CLDN16: variants seen among roughly 807,000 people sequenced by gnomAD.
CLDN16 encodes claudin-16.
In CLDN16, 13 loss-of-function variants were observed where a neutral mutation model predicts 24.6. The observed-to-expected ratio is 0.53, with a 90% CI of 0.34 to 0.84. CLDN16 has a LOEUF of 0.84. Among genes scored for constraint, CLDN16 ranks in the 40% least tolerant of loss-of-function variants. The pLI is 0.01. For missense variants in CLDN16, 298 were observed against 292.7 expected, an observed-to-expected ratio of 1.02 and a Z score of -0.13; for synonymous variants, 116 against 106.7, an observed-to-expected ratio of 1.09 and a Z score of -0.54.
At chr3:190,388,548 C>A in intron 1 of CLDN16, 105 bp downstream of exon 1, 1 of 921,232 alleles carries the variant, frequency 1.1e-6, no homozygotes, top group Admixed American at 1.7e-5. Flanking sequence ...GCTAATGATA[C>A]CAAAAATAGG....
chr3:190,409,186 A>ATGCATGTATATATG (rs1719197156), intron 4 of CLDN16, among the ~76,000 whole-genome samples: 3 of 99,582 alleles, frequency 3.0e-5, no homozygotes, highest in East Asian at 4.6e-4. Flanking sequence ...ATGTATATAT[A>ATGCATGTATATATG]CACACACGTA....
chr3:190,351,038 C>G (rs1717661612), intron 1 of CLDN16, among the ~76,000 whole-genome samples: 1 of 152,032 alleles, frequency 6.6e-6, no homozygotes, highest in African/African-American at 2.4e-5. Flanking sequence ...TCATGAATGG[C>G]TTGGTGCTCT....
chr3:190,298,518 T>G, the CLDN16 span, among the ~76,000 whole-genome samples: 1 of 149,362 alleles, frequency 6.7e-6, no homozygotes, highest in East Asian at 2.1e-4. Context: ...TGCAATGGCG[T>G]GATCTCTGCT....
chr3:190,396,183 G>A (rs1409812859), intron 1 of CLDN16, among the ~76,000 whole-genome samples: 1 of 152,156 alleles, frequency 6.6e-6, no homozygotes, highest in Non-Finnish European at 1.5e-5. Context: ...TTATGTCACT[G>A]TAACTCAAGT....
intron 1 of CLDN16, among the ~76,000 whole-genome samples, chr3:190,323,145 A>G (rs1213181095): frequency 6.6e-6 from 1 of 152,042 alleles, no homozygotes; most frequent in Non-Finnish European, 1.5e-5. Flanking sequence ...TTTTTGATGT[A>G]TTATTGTCCT....
chr3:190,408,740 A>G (rs950409354), intron 4 of CLDN16, among the ~76,000 whole-genome samples: 1 of 150,460 alleles, frequency 6.6e-6, no homozygotes, highest in Non-Finnish European at 1.5e-5. Context: ...CAATATTCAA[A>G]TGTATAATAG....
intron 1 of CLDN16, among the ~76,000 whole-genome samples, chr3:190,340,203 C>T (rs1717396434): frequency 6.6e-6 from 1 of 152,168 alleles, no homozygotes; most frequent in Non-Finnish European, 1.5e-5. Flanking sequence ...CCACAGCTAA[C>T]ATAAACAATG....
intron 3 of CLDN16, among the ~76,000 whole-genome samples, chr3:190,380,144 T>TCCTTCCTTCCTTCCTTCCTTC (rs1560091466): frequency 1.6e-4 from 2 of 12,278 alleles, no homozygotes. Context: ...TCCTTCCTTT[T>TCCTTCCTTCCTTCCTTCCTTC]CTTCCTTCCC....
intron 1 of CLDN16, among the ~76,000 whole-genome samples, chr3:190,388,918 C>T (rs1225861499): frequency 2.0e-5 from 3 of 152,024 alleles, no homozygotes; most frequent in African/African-American, 7.2e-5. Context: ...CAAAACCTAC[C>T]CAATTAACAT....
rs1330460824 is a variant in CLDN16 at position 190,380,257 on chromosome 3, T to TTCCTTCCTTTCTTC, written n.306+5654_306+5655insTCCTTCCTTTCTTC. ...CCTTCCCTCCCTTCCTTCCTTCCTT[T>TTCCTTCCTTTCTTC]CTTCCTTCCTTCCTTCTGTTTTTTG... On this transcript the variant is annotated intron_variant and non_coding_transcript_variant, in intron 3 of 4. Transcript: ENST00000468220. 2.0e-3 allele frequency among the ~76,000 whole-genome samples: 29 copies of TTCCTTCCTTTCTTC among 14,566 alleles called. 4 individuals are homozygous for TTCCTTCCTTTCTTC. The highest frequency in any genetic ancestry group is 5.9e-4 in the Non-Finnish European group (5 of 8,508). The allele number at this position is 14,566 out of a possible 152,430, so 9.6% of individuals were successfully genotyped here. A position where few individuals can be genotyped will look rare whatever the true frequency, so the allele number is the denominator to read the frequency against.
At position 190,366,891 on chromosome 3, in the gene CLDN16, T is replaced by C. The variant is rs114590725; in HGVS notation, n.122-4002T>C. ...GCAGAGGGATTTCAGAAACATACCA[T>C]AGCTTCTGCTTTATTTGATATAATA... On this transcript the variant is annotated intron_variant and non_coding_transcript_variant, in intron 1 of 4. Coordinates refer to the CLDN16 transcript ENST00000468220. 8.0e-3 allele frequency among the ~76,000 whole-genome samples: 1,218 copies of C among 152,030 alleles called. 24 individuals carry two copies. Among genetic ancestry groups the C allele is most frequent in the African/African-American group, 0.028 (1,173 of 41,528 alleles).
At chr3:190,384,547 G>C (rs900019908), upstream of CLDN16, among the ~76,000 whole-genome samples, 22 of 152,202 alleles carry the variant, frequency 1.4e-4, no homozygotes, top group Admixed American at 1.3e-3. Context: ...AGCACTGGGT[G>C]AGTAGGAACA....
At chr3:190,405,416 C>G (rs972634333) in intron 3 of CLDN16, among the ~76,000 whole-genome samples, 3 of 126,608 alleles carry the variant, frequency 2.4e-5, no homozygotes, top group African/African-American at 6.2e-5. Context: ...CAGAGCAAGA[C>G]TCCGTCTCAC....
chr3:190,322,515 C>T (rs1285840222), upstream of CLDN16: 1 of 382,626 alleles, frequency 2.6e-6, no homozygotes, highest in Non-Finnish European at 4.8e-6. Context: ...GGGGAGCGCC[C>T]CCTGGCGGTT....
At chr3:190,313,250 C>A in the CLDN16 span, 2 of 566,604 alleles carry the variant, frequency 3.5e-6, no homozygotes, top group Non-Finnish European at 6.3e-6. Context: ...AAAAGAGATC[C>A]CTCCACTCCA....
At chr3:190,312,911 T>A in the CLDN16 span, 4 of 1,614,208 alleles carry the variant, frequency 2.5e-6, no homozygotes, top group Middle Eastern at 6.6e-4. Context: ...ACAGCCATCC[T>A]CATCTTCTGC....
intron 1 of CLDN16, among the ~76,000 whole-genome samples, chr3:190,350,372 T>C (rs1560085156): frequency 8.1e-6 from 1 of 124,024 alleles, no homozygotes; most frequent in East Asian, 2.2e-4. Context: ...ATATACTTTA[T>C]TATAGATGTT....
At chr3:190,313,820 A>G in the CLDN16 span, among the ~76,000 whole-genome samples, 1 of 152,144 alleles carries the variant, frequency 6.6e-6, no homozygotes, top group African/African-American at 2.4e-5. Context: ...TTTTTGGTGT[A>G]CTAACTCATG....
chr3:190,326,396 A>G (rs1168060837), intron 1 of CLDN16, among the ~76,000 whole-genome samples: 1 of 152,248 alleles, frequency 6.6e-6, no homozygotes, highest in Non-Finnish European at 1.5e-5. Flanking sequence ...CTCTAGAAAG[A>G]AGACACAATG....
Sources: allele counts gnomAD v4.1 joint callset (sites outside exome capture counted in the v4.1 genomes callset), GRCh38; gene constraint gnomAD v4.1.1; transcripts MANE v1.5; gene names NCBI Gene and HGNC (gene_info 2026-07-23, HGNC 2026-07-21).